ATXN1: variants seen among roughly 807,000 people sequenced by gnomAD.
The protein encoded by ATXN1 is ataxin 1, also known as ataxin-1.
A neutral mutation model predicts 56.4 loss-of-function variants in ATXN1; 8 were observed. That is an observed-to-expected ratio of 0.14 (90% confidence interval 0.08 to 0.26). ATXN1 has a LOEUF of 0.26. Among genes scored for constraint, ATXN1 ranks in the 10% least tolerant of loss-of-function variants. ATXN1 has a pLI of 1.00. For missense variants in ATXN1, 987 were observed against 1,106.5 expected, an observed-to-expected ratio of 0.89 and a Z score of 1.53; for synonymous variants, 514 against 494.6, an observed-to-expected ratio of 1.04 and a Z score of -0.52.
At position 16,299,850 on chromosome 6, in the gene ATXN1, T is replaced by C. The variant is rs1440994093; in HGVS notation, c.*6479A>G. ...GAGGAAACCCCGCCAAAAAGGGCAG[T>C]ATTCACAGAACTGAATGCACAGGTA... On this transcript the variant is annotated 3_prime_UTR_variant, in exon 8 of 8. Transcript: ENST00000436367. 1 of 152,668 alleles carries C rather than the reference T, an allele frequency of 6.6e-6. No individual in the cohort carries two copies. The highest frequency in any genetic ancestry group is 1.5e-5 in the Non-Finnish European group (1 of 68,040). 9.5% of individuals were successfully genotyped at this position (152,668 alleles called of 1,614,324 possible).
intron 3 of ATXN1, among the ~76,000 whole-genome samples, chr6:16,637,166 A>AT (rs1561788630): frequency 6.6e-6 from 1 of 152,242 alleles, no homozygotes. Context: ...CTATGTAGCC[A>AT]TAAAAAAGGA....
At chr6:16,623,085 A>G (rs1295806230) in intron 3 of ATXN1, among the ~76,000 whole-genome samples, 1 of 152,162 alleles carries the variant, frequency 6.6e-6, no homozygotes, top group Non-Finnish European at 1.5e-5. Flanking sequence ...ATCATATCAT[A>G]ATTTGTTTAT....
intron 5 of ATXN1, among the ~76,000 whole-genome samples, chr6:16,492,156 C>G (rs1003517134): frequency 2.6e-5 from 4 of 152,012 alleles, no homozygotes; most frequent in South Asian, 2.1e-4. Flanking sequence ...CTAAGCCATG[C>G]CTGGACTTCG....
intron 3 of ATXN1, among the ~76,000 whole-genome samples, chr6:16,647,433 C>T (rs1232692826): frequency 6.6e-6 from 1 of 152,214 alleles, no homozygotes; most frequent in Non-Finnish European, 1.5e-5. Context: ...AGAACCTACA[C>T]TTTTCAACAC....
chr6:16,501,358 C>T (rs933773844), intron 5 of ATXN1, among the ~76,000 whole-genome samples: 3 of 152,018 alleles, frequency 2.0e-5, no homozygotes, highest in Admixed American at 2.0e-4. Flanking sequence ...GCAGAACATG[C>T]AGGTTTGTTA....
intron 2 of ATXN1, among the ~76,000 whole-genome samples, chr6:16,694,971 T>C (rs1259240593): frequency 2.0e-5 from 3 of 152,214 alleles, no homozygotes; most frequent in African/African-American, 7.2e-5. Context: ...TTTGCTAGCC[T>C]CACTCATTTT....
At chr6:16,719,644 T>A (rs1248094495) in intron 2 of ATXN1, among the ~76,000 whole-genome samples, 3 of 152,148 alleles carry the variant, frequency 2.0e-5, no homozygotes, top group African/African-American at 7.2e-5. Context: ...CTCCGGATGG[T>A]CACATCCCAC....
In ATXN1 at chr6:16,410,346, GGGACCCCTAT is replaced by G. The variant is rs1167747106; in HGVS notation, c.-161+75616_-161+75625del. 1.3e-5 allele frequency among the ~76,000 whole-genome samples: 2 copies of G among 152,230 alleles called. No individual in the cohort carries two copies. The highest frequency in any genetic ancestry group is 4.8e-5 in the African/African-American group (2 of 41,464). On this transcript the variant is annotated intron_variant, in intron 6 of 7. Transcript: ENST00000436367. This position sits in a 1 kb window ranked among gnomAD's most constrained non-coding sequence, Gnocchi z 4.6. The stretch of plus-strand genomic sequence containing the variant: ...ATTAGAGAACCAAACAAGTGCTGAA[GGGACCCCTAT>G]GGAGGCAGAGAACCTGAAATGAACA...
At chr6:16,704,334 C>T (rs1473021308) in intron 2 of ATXN1, among the ~76,000 whole-genome samples, 1 of 152,098 alleles carries the variant, frequency 6.6e-6, no homozygotes, top group Non-Finnish European at 1.5e-5. Flanking sequence ...ACCCCCTTTC[C>T]CCCCAAGATT....
rs544512597 is a variant in ATXN1 at position 16,327,693 on chromosome 6, C to A, written c.618G>T (p.Gln206His). 1.7e-4 allele frequency: 263 copies of A among 1,580,100 alleles called. 1 individual carries two copies. The highest frequency in any genetic ancestry group is 3.3e-4 in the African/African-American group (24 of 72,954). The change falls in exon 7 of 8, where the codon CAG (glutamine) becomes CAT (histidine). Residue 206 changes from glutamine (Q) to histidine (H), a missense_variant. By Grantham distance (24) the Gln-to-His change is conservative. This residue lies in a region of ATXN1 where 723 missense variants were observed against 791.7 expected (regional missense o/e 0.91). Transcript: ENST00000436367. The stretch of plus-strand genomic sequence containing the variant: ...GCTGCTGCTGATGCTGATGCTGCTG[C>A]TGCTGCTGCTGCTGCTGCTGCTGCT... The part of the protein sequence containing the change: ...EQQQQQQQQQ[Q>H]QQHQHQQQQQ...
At chr6:16,408,396 C>G (rs1758729666) in intron 6 of ATXN1, among the ~76,000 whole-genome samples, 1 of 152,006 alleles carries the variant, frequency 6.6e-6, no homozygotes, top group Admixed American at 6.5e-5. Context: ...ACACTGATTT[C>G]TCCCATTTCT....
intron 2 of ATXN1, among the ~76,000 whole-genome samples, chr6:16,677,618 A>C (rs1758715347): frequency 6.6e-6 from 1 of 152,190 alleles, no homozygotes; most frequent in Non-Finnish European, 1.5e-5. Flanking sequence ...CATTCACACC[A>C]GAAAAAGCTG....
intron 2 of ATXN1, among the ~76,000 whole-genome samples, chr6:16,680,423 T>G (rs1758789901): frequency 6.6e-6 from 1 of 152,204 alleles, no homozygotes; most frequent in Admixed American, 6.5e-5. Flanking sequence ...TTCTCATCCA[T>G]TATACTTTTC....
At chr6:16,743,928 T>C (rs1215258568) in intron 2 of ATXN1, among the ~76,000 whole-genome samples, 1 of 152,158 alleles carries the variant, frequency 6.6e-6, no homozygotes, top group Non-Finnish European at 1.5e-5. Flanking sequence ...AGGAAGGTCC[T>C]CAAAACCTAT....
chr6:16,571,267 A>AC (rs1413725486), intron 4 of ATXN1, among the ~76,000 whole-genome samples: 4 of 152,284 alleles, frequency 2.6e-5, no homozygotes, highest in Admixed American at 1.3e-4. Flanking sequence ...TTTACATAGA[A>AC]CCATTGACTA....
At chr6:16,422,306 A>AG (rs1759053192) in intron 6 of ATXN1, among the ~76,000 whole-genome samples, 1 of 152,176 alleles carries the variant, frequency 6.6e-6, no homozygotes, top group Non-Finnish European at 1.5e-5. Context: ...GGTGAGGGAG[A>AG]GGAAGCTGTG....
At chr6:16,314,145 C>G (rs757830759) in intron 7 of ATXN1, among the ~76,000 whole-genome samples, 4 of 152,160 alleles carry the variant, frequency 2.6e-5, no homozygotes, top group African/African-American at 7.2e-5. Context: ...TGTGAACTAC[C>G]TAGACAATGT....
chr6:16,710,736 T>C (rs6933265), intron 2 of ATXN1, among the ~76,000 whole-genome samples: 20,274 of 143,614 alleles, frequency 0.14, 1,410 homozygotes, highest in Middle Eastern at 0.26. Context: ...TACAGGCACA[T>C]GCCACCTCAC....
chr6:16,388,009 C>A (rs116268241), intron 6 of ATXN1, among the ~76,000 whole-genome samples: 1 of 152,268 alleles, frequency 6.6e-6, no homozygotes, highest in Non-Finnish European at 1.5e-5. Context: ...AGTGGAGGAG[C>A]CAAGATGTGA....
Sources: allele counts gnomAD v4.1 joint callset (sites outside exome capture counted in the v4.1 genomes callset), GRCh38; gene constraint gnomAD v4.1.1; regional missense constraint gnomAD v4.1.1; non-coding constraint Gnocchi (gnomAD v3.1); transcripts MANE v1.5; gene names NCBI Gene and HGNC (gene_info 2026-07-23, HGNC 2026-07-21).